SGCZ: variants seen among roughly 807,000 people sequenced by gnomAD.
SGCZ encodes zeta-sarcoglycan.
Under a neutral mutation model 41.3 loss-of-function variants are expected in SGCZ, and 40 were observed. The observed-to-expected ratio is 0.97, with a 90% confidence interval of 0.75 to 1.26. SGCZ has a LOEUF of 1.26. Among genes scored for constraint, SGCZ ranks in the 50% most tolerant of loss-of-function variants. SGCZ has a pLI of 0.00. For missense variants in SGCZ, 552 were observed against 369.8 expected (o/e 1.49, Z -4.04); for synonymous variants, 206 against 137.5 (o/e 1.50, Z -3.49).
chr8:14,561,385 A>C (rs1390836543), intron 1 of SGCZ, among the ~76,000 whole-genome samples: 1 of 152,184 alleles, frequency 6.6e-6, no homozygotes, highest in Non-Finnish European at 1.5e-5. Flanking sequence ...AGTGGATTTC[A>C]GAGAGTTGAT....
At chr8:14,855,886 G>A (rs1483329391) in intron 1 of SGCZ, among the ~76,000 whole-genome samples, 2 of 152,090 alleles carry the variant, frequency 1.3e-5, no homozygotes, top group Non-Finnish European at 2.9e-5. Flanking sequence ...TTGGTGATTT[G>A]AGATAAGACC....
At chr8:14,661,587 T>A (rs17119956) in intron 1 of SGCZ, among the ~76,000 whole-genome samples, 29,130 of 152,062 alleles carry the variant, frequency 0.19, 3,527 homozygotes, top group East Asian at 0.44. Flanking sequence ...CTTGGGAGGT[T>A]AACAAACCAT....
chr8:15,044,146 A>T (rs1804213311), intron 1 of SGCZ, among the ~76,000 whole-genome samples: 1 of 152,160 alleles, frequency 6.6e-6, no homozygotes, highest in Non-Finnish European at 1.5e-5. Context: ...CCCCTAATTT[A>T]TAATTTATAA....
At chr8:14,211,987 C>G (rs189365178) in intron 4 of SGCZ, among the ~76,000 whole-genome samples, 1 of 152,094 alleles carries the variant, frequency 6.6e-6, no homozygotes, top group African/African-American at 2.4e-5. Context: ...AATGGGAACC[C>G]CTTCTTTGAA....
intron 2 of SGCZ, among the ~76,000 whole-genome samples, chr8:14,342,677 T>C (rs1585386090): frequency 1.3e-5 from 2 of 152,194 alleles, no homozygotes; most frequent in East Asian, 3.9e-4. Context: ...ATTAAAGGCA[T>C]TCAGTTTTAG....
chr8:14,223,883 C>A (rs1220928134), intron 4 of SGCZ, among the ~76,000 whole-genome samples: 1 of 152,190 alleles, frequency 6.6e-6, no homozygotes. Flanking sequence ...ATAGTGATAG[C>A]AGTTAACACT....
At chr8:14,330,321 T>C (rs1009744625) in intron 2 of SGCZ, among the ~76,000 whole-genome samples, 2 of 152,096 alleles carry the variant, frequency 1.3e-5, no homozygotes, top group Non-Finnish European at 2.9e-5. Flanking sequence ...AGAATTTACC[T>C]CTTTACTTAA....
At chr8:15,022,256 T>A (rs1483081060) in intron 1 of SGCZ, among the ~76,000 whole-genome samples, 1 of 152,236 alleles carries the variant, frequency 6.6e-6, no homozygotes, top group East Asian at 1.9e-4. Context: ...AATATTTTAA[T>A]CATGTAATTC....
At chr8:14,656,409 CT>C in intron 1 of SGCZ, among the ~76,000 whole-genome samples, 1 of 117,558 alleles carries the variant, frequency 8.5e-6, no homozygotes, top group East Asian at 2.9e-4. Flanking sequence ...CTTTCCTCCT[CT>C]CCTCTCCTTC....
rs370871069 is a variant in SGCZ at position 14,237,577 on chromosome 8, C to T, written c.424+15G>A. 515 of 1,611,296 alleles carry T rather than the reference C, an allele frequency of 3.2e-4. 2 individuals carry two copies. The highest frequency in any genetic ancestry group is 4.1e-4 in the Non-Finnish European group (484 of 1,178,340). The stretch of plus-strand genomic sequence containing the variant: ...CCAAGCACAGTAGGAGCAATCTTTA[C>T]CCCAAAACACTCACCTATGGTCAGC... On this transcript the variant is annotated intron_variant, in intron 4 of 7. Transcript: ENST00000382080.
chr8:14,297,475 G>C (rs1801054630), intron 3 of SGCZ, among the ~76,000 whole-genome samples: 1 of 151,612 alleles, frequency 6.6e-6, no homozygotes, highest in African/African-American at 2.4e-5. Context: ...TATCTTATTT[G>C]AATTATCAAT....
chr8:14,224,816 C>T (rs987329103), intron 4 of SGCZ, among the ~76,000 whole-genome samples: 90 of 152,226 alleles, frequency 5.9e-4, no homozygotes, highest in African/African-American at 2.1e-3. Context: ...TTCTTGGAAA[C>T]ACTTATCAAA....
chr8:14,969,296 C>A (rs966206639), intron 1 of SGCZ, among the ~76,000 whole-genome samples: 4 of 151,958 alleles, frequency 2.6e-5, no homozygotes, highest in African/African-American at 9.7e-5. Flanking sequence ...GTTGTGACAC[C>A]CTACTCCTAT....
At chr8:14,104,943 C>A (rs1802155915) in intron 6 of SGCZ, among the ~76,000 whole-genome samples, 1 of 151,378 alleles carries the variant, frequency 6.6e-6, no homozygotes, top group African/African-American at 2.4e-5. Context: ...ATCTCAGATC[C>A]AAAAAAAATC....
chr8:15,053,430 G>T (rs1804591188), intron 1 of SGCZ, among the ~76,000 whole-genome samples: 1 of 152,030 alleles, frequency 6.6e-6, no homozygotes. Flanking sequence ...CTTGCATGGT[G>T]CACAGGTCTG....
intron 1 of SGCZ, among the ~76,000 whole-genome samples, chr8:14,790,643 G>A (rs1006507019): frequency 6.6e-6 from 1 of 152,140 alleles, no homozygotes; most frequent in African/African-American, 2.4e-5. Flanking sequence ...AGATAGTTAA[G>A]TAATAAGATT....
intron 1 of SGCZ, among the ~76,000 whole-genome samples, chr8:15,126,663 G>T (rs1472319311): frequency 6.6e-6 from 1 of 152,180 alleles, no homozygotes; most frequent in East Asian, 1.9e-4. Context: ...CCAGTGTTGG[G>T]TAGAAATTCA....
chr8:14,404,485 A>T (rs927363626), intron 2 of SGCZ, among the ~76,000 whole-genome samples: 1 of 152,204 alleles, frequency 6.6e-6, no homozygotes, highest in Non-Finnish European at 1.5e-5. Context: ...AATAATACTA[A>T]ATGATTAAAA....
intron 1 of SGCZ, among the ~76,000 whole-genome samples, chr8:14,999,034 TTG>T (rs1802316558): frequency 6.6e-6 from 1 of 152,210 alleles, no homozygotes; most frequent in South Asian, 2.1e-4. Flanking sequence ...CTTAGGGGTG[TTG>T]TGTCCCAGGT....
Sources: allele counts gnomAD v4.1 joint callset (sites outside exome capture counted in the v4.1 genomes callset), GRCh38; gene constraint gnomAD v4.1.1; transcripts MANE v1.5; gene names NCBI Gene and HGNC (gene_info 2026-07-23, HGNC 2026-07-21).